GRM7: variants seen among roughly 807,000 people sequenced by gnomAD.
GRM7 encodes the protein glutamate metabotropic receptor 7.
Under a neutral mutation model 84.5 loss-of-function variants are expected in GRM7, and 35 were observed. That is an observed-to-expected ratio of 0.41 (90% CI 0.32 to 0.55). The LOEUF (loss-of-function observed/expected upper bound fraction) is 0.55, where lower values mean the gene tolerates loss of function less well. Ranked by LOEUF, GRM7 falls within the 20% of genes least tolerant of loss-of-function variation. GRM7 has a pLI of 0.19. For missense variants in GRM7, 1,003 were observed against 1,194.6 expected (o/e 0.84, Z 2.36); for synonymous variants, 487 against 455.1 (o/e 1.07, Z -0.89).
chr3:7,036,286 C>G (rs1171009509), intron 1 of GRM7, among the ~76,000 whole-genome samples: 2 of 152,114 alleles, frequency 1.3e-5, no homozygotes, highest in African/African-American at 2.4e-5. Flanking sequence ...TAAGAAACAT[C>G]CTACAGAATA....
chr3:7,523,925 T>C (rs556314976), intron 7 of GRM7, among the ~76,000 whole-genome samples: 2 of 152,202 alleles, frequency 1.3e-5, no homozygotes, highest in East Asian at 3.9e-4. Flanking sequence ...CTCAACATAG[T>C]TTTCTGGGTT....
intron 1 of GRM7, among the ~76,000 whole-genome samples, chr3:7,115,348 G>C (rs1692994841): frequency 6.6e-6 from 1 of 152,104 alleles, no homozygotes; most frequent in African/African-American, 2.4e-5. Context: ...AGTTGTCCCA[G>C]GAAGATGCAA....
chr3:7,269,273 A>C (rs1698764735), intron 2 of GRM7, among the ~76,000 whole-genome samples: 1 of 152,242 alleles, frequency 6.6e-6, no homozygotes, highest in African/African-American at 2.4e-5. Context: ...AATTTAAACA[A>C]GAAAGCCAAA....
At chr3:7,718,828 G>A (rs550233496) in intron 9 of GRM7, among the ~76,000 whole-genome samples, 2 of 152,280 alleles carry the variant, frequency 1.3e-5, no homozygotes, top group Admixed American at 1.3e-4. Context: ...ACTGCCTCTA[G>A]AACAGCAGGG....
chr3:6,972,740 C>T (rs1693809434), intron 1 of GRM7, among the ~76,000 whole-genome samples: 1 of 152,164 alleles, frequency 6.6e-6, no homozygotes, highest in Non-Finnish European at 1.5e-5. Flanking sequence ...TTGTGTTAGG[C>T]AGAGATGGTT....
intron 5 of GRM7, chr3:7,451,894 T>A (rs1254414486): frequency 6.6e-6 from 1 of 152,222 alleles, no homozygotes. Flanking sequence ...GAGGGACTCT[T>A]AGTGTAGGAA....
chr3:7,028,151 G>A (rs906082320), intron 1 of GRM7, among the ~76,000 whole-genome samples: 1 of 152,126 alleles, frequency 6.6e-6, no homozygotes, highest in African/African-American at 2.4e-5. Context: ...TGCTTAGCCT[G>A]GTGCAGAGCA....
chr3:7,020,658 ACCT>A (rs1695744384), intron 1 of GRM7, among the ~76,000 whole-genome samples: 1 of 152,044 alleles, frequency 6.6e-6, no homozygotes, highest in African/African-American at 2.4e-5. Context: ...ATTGCAGAAG[ACCT>A]CCTTTTATAG....
intron 7 of GRM7, among the ~76,000 whole-genome samples, chr3:7,551,304 CAG>C (rs1192388239): frequency 2.6e-5 from 4 of 152,144 alleles, no homozygotes; most frequent in African/African-American, 9.7e-5. Flanking sequence ...TTCCTAAACT[CAG>C]GGTTTTTCAC....
chr3:7,325,640 C>T (rs1221939748), intron 4 of GRM7, among the ~76,000 whole-genome samples: 1 of 152,130 alleles, frequency 6.6e-6, no homozygotes. Context: ...ACCAAACTGT[C>T]CAGCACAACC....
intron 8 of GRM7, among the ~76,000 whole-genome samples, chr3:7,679,623 G>T (rs192817011): frequency 1.1e-4 from 17 of 152,194 alleles, no homozygotes; most frequent in Admixed American, 2.6e-4. Context: ...TTCTCAAAAG[G>T]CCCCAGAATC....
intron 5 of GRM7, among the ~76,000 whole-genome samples, chr3:7,431,747 T>C (rs1386083117): frequency 6.6e-6 from 1 of 152,132 alleles, no homozygotes; most frequent in African/African-American, 2.4e-5. Flanking sequence ...GTAGAAAACA[T>C]TGCATGAATG....
intron 1 of GRM7, among the ~76,000 whole-genome samples, chr3:7,041,378 A>G (rs573076808): frequency 6.6e-6 from 1 of 152,338 alleles, no homozygotes; most frequent in East Asian, 1.9e-4. Flanking sequence ...AAAATAAATG[A>G]AATTACATAA....
intron 4 of GRM7, among the ~76,000 whole-genome samples, chr3:7,333,226 C>T (rs1335381884): frequency 6.6e-6 from 1 of 152,170 alleles, no homozygotes; most frequent in Non-Finnish European, 1.5e-5. Context: ...AAACTACACC[C>T]AAAGACTCCC....
intron 8 of GRM7, among the ~76,000 whole-genome samples, chr3:7,601,143 G>T (rs1411679752): frequency 2.0e-5 from 3 of 152,064 alleles, no homozygotes; most frequent in African/African-American, 7.2e-5. Context: ...TAAACCTGCT[G>T]CCTTGATCTT....
rs183530974 is a variant in GRM7, at chr3:7,450,678, A to G, written c.1175-1929A>G. On this transcript the variant is annotated intron_variant, in intron 5 of 9. Coordinates refer to ENST00000357716, the MANE Select transcript of GRM7 (RefSeq NM_000844.4). ...AAAAACTCTGTAGTCCTGAATTTGA[A>G]TGGGAAATAGCTGCATAAATTCATG... 5.3e-5 allele frequency among the ~76,000 whole-genome samples: 8 copies of G among 152,080 alleles called. No individual in the cohort carries two copies. The East Asian group carries it at 1.5e-3, about 29-fold the overall frequency.
chr3:7,140,549 AT>A (rs1693914476), intron 1 of GRM7, among the ~76,000 whole-genome samples: 1 of 152,040 alleles, frequency 6.6e-6, no homozygotes, highest in Non-Finnish European at 1.5e-5. Flanking sequence ...TAGGTTCTTT[AT>A]TTGTAAAAAC....
chr3:7,128,515 T>G (rs1191879185), intron 1 of GRM7, among the ~76,000 whole-genome samples: 1 of 81,748 alleles, frequency 1.2e-5, no homozygotes, highest in Non-Finnish European at 2.6e-5. Flanking sequence ...CTTGTTTTTT[T>G]TTTTTTTTTT....
chr3:6,984,111 T>C (rs1390096403), intron 1 of GRM7, among the ~76,000 whole-genome samples: 1 of 152,222 alleles, frequency 6.6e-6, no homozygotes, highest in Non-Finnish European at 1.5e-5. Context: ...CTTTTAATTT[T>C]GAGGACTTTT....
Sources: gnomAD v4.1 joint callset for allele counts (sites outside exome capture counted in the v4.1 genomes callset) on GRCh38, gnomAD v4.1.1 for gene constraint, MANE v1.5 for transcripts, NCBI Gene and HGNC (gene_info 2026-07-23, HGNC 2026-07-21) for gene names.